The following AKAP6 variants were observed in gnomAD, a reference collection of about 807,000 sequenced individuals.
The protein encoded by AKAP6 is A-kinase anchoring protein 6.
A neutral mutation model predicts 188.5 loss-of-function variants in AKAP6; 58 were observed. The ratio of observed to expected loss-of-function variants is 0.31; its 90% CI spans 0.25 to 0.38. The LOEUF (loss-of-function observed/expected upper bound fraction) is 0.38. Among genes scored for constraint, AKAP6 ranks in the 10% least tolerant of loss-of-function variants. The probability of loss-of-function intolerance (pLI) is 1.00; values close to 1 mark genes in which losing one functional copy is unlikely to be tolerated. For synonymous variants in AKAP6, 989 were observed against 998.6 expected, an observed-to-expected ratio of 0.99 and a Z score of 0.18; for missense variants, 2,710 against 2,740.0, an observed-to-expected ratio of 0.99 and a Z score of 0.24.
At position 32,821,467 on chromosome 14, in the gene AKAP6, A is replaced by G. The variant is rs1338123871; in HGVS notation, c.3654A>G (p.Glu1218=). ...DLNGMSEDAL[E]WDEMDISNKL... ...ATGGGATGAGTGAGGATGCCCTGGA[A>G]TGGGATGAAATGGACATAAGTAACA... The change falls in exon 13 of 14, where the codon GAA becomes GAG. Residue 1218 remains glutamate, a synonymous_variant. Coordinates refer to ENST00000280979, the MANE Select transcript of AKAP6 (RefSeq NM_004274.5). 1 of 1,613,624 alleles carries G rather than the reference A, an allele frequency of 6.2e-7. No homozygotes were observed. The highest frequency in any genetic ancestry group is 1.1e-5 in the South Asian group (1 of 91,040).
intron 2 of AKAP6, among the ~76,000 whole-genome samples, chr14:32,449,536 A>AG (rs1566508886): frequency 2.6e-5 from 4 of 151,510 alleles, no homozygotes; most frequent in South Asian, 2.1e-4. Context: ...AAAAAAAAAA[A>AG]AAAAAGAAAA....
At position 32,545,087 on chromosome 14, in the gene AKAP6, C is replaced by T. The variant is rs1245597159; in HGVS notation, c.577-143C>T. On this transcript the variant is annotated intron_variant, in intron 3 of 13. Transcript: ENST00000280979. ...AAGCAATGTGGTAATTGATTAATAT[C>T]CCTTTGTGTATGTCAAACCACAAGC... The T allele has an allele frequency of 9.8e-6, 7 of 713,350 alleles. No homozygotes were observed. The East Asian group carries it at 1.9e-4, about 19-fold the overall frequency. 44.2% of individuals were successfully genotyped at this position (713,350 alleles called of 1,614,324 possible). A position where few individuals can be genotyped will look rare whatever the true frequency, so the allele number is the denominator to read the frequency against.
intron 7 of AKAP6, among the ~76,000 whole-genome samples, chr14:32,633,015 A>G (rs574255901): frequency 2.6e-4 from 40 of 152,204 alleles, no homozygotes; most frequent in African/African-American, 9.4e-4. Context: ...ATGTAATGCT[A>G]TCTAGGATAG....
At chr14:32,470,988 G>T (rs925358639) in intron 2 of AKAP6, among the ~76,000 whole-genome samples, 6 of 152,096 alleles carry the variant, frequency 3.9e-5, no homozygotes, top group African/African-American at 1.4e-4. Flanking sequence ...AGATACATGA[G>T]GATAGACTTA....
At chr14:32,452,728 T>C (rs895916681) in intron 2 of AKAP6, among the ~76,000 whole-genome samples, 1 of 152,198 alleles carries the variant, frequency 6.6e-6, no homozygotes, top group Non-Finnish European at 1.5e-5. Context: ...TGAACTGTGC[T>C]CCAGAGACCA....
At chr14:32,821,354 C>T (rs1053032562) in intron 12 of AKAP6, 48 bp from the exon 13 acceptor site, 4 of 1,519,196 alleles carry the variant, frequency 2.6e-6, no homozygotes, top group Admixed American at 2.2e-5. Context: ...AATTTTCATG[C>T]TTGTGTTCCC....
At chr14:32,480,954 AC>A (rs1879311807) in intron 2 of AKAP6, among the ~76,000 whole-genome samples, 1 of 152,240 alleles carries the variant, frequency 6.6e-6, no homozygotes, top group Non-Finnish European at 1.5e-5. Context: ...GTTACAAAAA[AC>A]ATCAAGCAAC....
At chr14:32,796,878 A>C (rs1273601999) in intron 12 of AKAP6, among the ~76,000 whole-genome samples, 3 of 152,216 alleles carry the variant, frequency 2.0e-5, no homozygotes, top group African/African-American at 7.2e-5. Context: ...AGAATGGGAG[A>C]AAGTTTTTGC....
intron 4 of AKAP6, among the ~76,000 whole-genome samples, chr14:32,570,727 G>A (rs927727343): frequency 6.6e-6 from 1 of 152,166 alleles, no homozygotes; most frequent in African/African-American, 2.4e-5. Context: ...TAAACTAAAT[G>A]ACTCAAATTC....
At chr14:32,715,191 AT>A (rs2030122323) in intron 9 of AKAP6, among the ~76,000 whole-genome samples, 1 of 152,150 alleles carries the variant, frequency 6.6e-6, no homozygotes, top group South Asian at 2.1e-4. Context: ...GCACAAAGAC[AT>A]TTTTCACCTG....
At chr14:32,387,336 G>A (rs1888565260) in intron 1 of AKAP6, among the ~76,000 whole-genome samples, 1 of 151,966 alleles carries the variant, frequency 6.6e-6, no homozygotes, top group African/African-American at 2.4e-5. Flanking sequence ...ATGTTGAAGA[G>A]AAGTGATGAG....
At chr14:32,468,704 T>C (rs1469173543) in intron 2 of AKAP6, among the ~76,000 whole-genome samples, 1 of 152,126 alleles carries the variant, frequency 6.6e-6, no homozygotes, top group Non-Finnish European at 1.5e-5. Flanking sequence ...CCCTCCATTC[T>C]TTCTCCCAGG....
chr14:32,665,914 T>G (rs768150997), intron 7 of AKAP6, among the ~76,000 whole-genome samples: 1 of 151,898 alleles, frequency 6.6e-6, no homozygotes, highest in Non-Finnish European at 1.5e-5. Flanking sequence ...TGGGGATAGG[T>G]GGAGATGGAC....
rs1334260853 is a variant in AKAP6, at chr14:32,540,164, CTCTCTA to C, written c.576+4361_576+4366del. Among the ~76,000 whole-genome samples, 738 of 97,338 alleles carry C rather than the reference CTCTCTA, an allele frequency of 7.6e-3. 4 individuals carry two copies. Among genetic ancestry groups the C allele is most frequent in the East Asian group, 0.025 (91 of 3,672 alleles). The allele number at this position is 97,338 out of a possible 152,430, so 63.9% of individuals were successfully genotyped here. On this transcript the variant is annotated intron_variant, in intron 3 of 13. Coordinates refer to ENST00000280979, the MANE Select transcript of AKAP6 (RefSeq NM_004274.5). ...TCTCTCTCTCTCTCTCTCTCTCTCT[CTCTCTA>C]TATATATATATATATATATATATTT...
intron 2 of AKAP6, among the ~76,000 whole-genome samples, chr14:32,504,649 T>C (rs1880774377): frequency 6.6e-6 from 1 of 152,220 alleles, no homozygotes. Flanking sequence ...TTTTAGTCAA[T>C]TATTGAGTTT....
At chr14:32,594,372 A>AT (rs1885605292) in intron 5 of AKAP6, among the ~76,000 whole-genome samples, 1 of 152,064 alleles carries the variant, frequency 6.6e-6, no homozygotes, top group Admixed American at 6.6e-5. Context: ...TGGAATCTTC[A>AT]TTTTTTGTGG....
At chr14:32,774,146 C>T (rs1427068691) in intron 12 of AKAP6, 2 of 505,418 alleles carry the variant, frequency 4.0e-6, no homozygotes, top group Non-Finnish European at 7.1e-6. Flanking sequence ...TAGTGTACCT[C>T]ATTGTCTTTT....
intron 11 of AKAP6, among the ~76,000 whole-genome samples, chr14:32,762,205 A>T (rs1331112827): frequency 6.6e-6 from 1 of 152,144 alleles, no homozygotes; most frequent in Admixed American, 6.5e-5. Flanking sequence ...ACATGTTTTT[A>T]ACAGATTATT....
intron 1 of AKAP6, among the ~76,000 whole-genome samples, chr14:32,430,026 C>T (rs1890162192): frequency 6.6e-6 from 1 of 152,212 alleles, no homozygotes; most frequent in Admixed American, 6.5e-5. Context: ...GAAGAATTAA[C>T]AACACAAAAC....
Sources: gnomAD v4.1 joint callset for allele counts (sites outside exome capture counted in the v4.1 genomes callset) on GRCh38, gnomAD v4.1.1 for gene constraint, MANE v1.5 for transcripts, NCBI Gene and HGNC (gene_info 2026-07-23, HGNC 2026-07-21) for gene names.